The following SLC25A21 variants were observed in gnomAD, a reference collection of about 807,000 sequenced individuals.
SLC25A21 encodes mitochondrial 2-oxodicarboxylate carrier.
A neutral mutation model predicts 43.8 loss-of-function variants in SLC25A21; 47 were observed. The observed-to-expected ratio is 1.07, with a 90% CI of 0.85 to 1.37. The LOEUF is 1.37. Among genes scored for constraint, SLC25A21 ranks in the 40% most tolerant of loss-of-function variants. SLC25A21 has a pLI of 0.00. For synonymous variants in SLC25A21, 131 were observed against 121.3 expected (o/e 1.08, Z -0.52); for missense variants, 352 against 350.2 (o/e 1.00, Z -0.04).
chr14:36,761,092 T>C (rs576726005), intron 3 of SLC25A21, among the ~76,000 whole-genome samples: 1 of 152,292 alleles, frequency 6.6e-6, no homozygotes, highest in Admixed American at 6.5e-5. Flanking sequence ...CTCTTCCCTT[T>C]CATCTGGGGC....
chr14:36,991,382 C>A (rs151204875), intron 1 of SLC25A21, among the ~76,000 whole-genome samples: 1 of 152,150 alleles, frequency 6.6e-6, no homozygotes, highest in African/African-American at 2.4e-5. Flanking sequence ...CCCTGGCACA[C>A]GGCATTCAAC....
At chr14:36,830,863 T>C (rs144802372) in intron 2 of SLC25A21, among the ~76,000 whole-genome samples, 188 of 152,152 alleles carry the variant, frequency 1.2e-3, no homozygotes, top group Non-Finnish European at 1.6e-4. Context: ...TTATCTGTTT[T>C]TAAAAGTCAT....
chr14:36,864,778 A>G (rs922847411), intron 2 of SLC25A21, among the ~76,000 whole-genome samples: 1 of 152,210 alleles, frequency 6.6e-6, no homozygotes, highest in Non-Finnish European at 1.5e-5. Context: ...GAAAGAAGCC[A>G]TGACAGTGGT....
intron 1 of SLC25A21, among the ~76,000 whole-genome samples, chr14:37,051,571 A>G (rs1417216567): frequency 6.6e-6 from 1 of 152,206 alleles, no homozygotes; most frequent in Non-Finnish European, 1.5e-5. Flanking sequence ...GGGCAATTGG[A>G]AAAGAGTTTA....
chr14:36,881,945 ACTGTT>A (rs1890741933), intron 1 of SLC25A21, among the ~76,000 whole-genome samples: 3 of 152,342 alleles, frequency 2.0e-5, no homozygotes, highest in African/African-American at 7.2e-5. Flanking sequence ...GTTATTATAC[ACTGTT>A]CTGTTCTGAT....
chr14:36,942,151 TAAAAA>T lies in SLC25A21; in HGVS notation c.71-67152_71-67148del, dbSNP rs539020842. Among the ~76,000 whole-genome samples, 287 of 147,270 alleles carry T rather than the reference TAAAAA, an allele frequency of 1.9e-3. 2 individuals carry two copies. The highest frequency in any genetic ancestry group is 6.5e-3 in the African/African-American group (265 of 40,532). Reference sequence around the variant, plus strand: ...TAACACCGAGCTTAAGAGTTTGAACTAAAAAAAAAAATCACCTAGCTGTTTCTAAT... The same window carrying T: ...TAACACCGAGCTTAAGAGTTTGAACTAAAAAATCACCTAGCTGTTTCTAAT... On this transcript the variant is annotated intron_variant, in intron 1 of 9. Transcript: ENST00000331299.
intron 2 of SLC25A21, among the ~76,000 whole-genome samples, chr14:36,847,385 C>T (rs889147181): frequency 2.0e-5 from 3 of 152,210 alleles, no homozygotes; most frequent in Non-Finnish European, 2.9e-5. Context: ...CTGGCCCTAA[C>T]AGTCATTGGT....
intron 1 of SLC25A21, among the ~76,000 whole-genome samples, chr14:36,959,457 G>A (rs1217433593): frequency 1.3e-5 from 2 of 152,084 alleles, no homozygotes; most frequent in African/African-American, 2.4e-5. Context: ...TTTACAACCT[G>A]AGAAATAAAA....
intron 1 of SLC25A21, among the ~76,000 whole-genome samples, chr14:37,037,832 T>G (rs1028232991): frequency 9.2e-5 from 14 of 152,156 alleles, no homozygotes; most frequent in African/African-American, 3.4e-4. Context: ...TCTCCCAAAC[T>G]AAACCCATAT....
chr14:36,865,268 T>C (rs4900633), intron 2 of SLC25A21, among the ~76,000 whole-genome samples: 62,356 of 151,800 alleles, frequency 0.41, 14,019 homozygotes, highest in Non-Finnish European at 0.49. Context: ...CATCCTCAGG[T>C]TTCTCTTTTT....
chr14:36,719,452 C>A (rs1251780650), intron 6 of SLC25A21, among the ~76,000 whole-genome samples: 1 of 152,152 alleles, frequency 6.6e-6, no homozygotes. Context: ...GGGTCTATCC[C>A]AATTTTATCC....
At chr14:37,155,451 G>A (rs1963831923) in intron 1 of SLC25A21, among the ~76,000 whole-genome samples, 1 of 152,144 alleles carries the variant, frequency 6.6e-6, no homozygotes, top group African/African-American at 2.4e-5. Flanking sequence ...CAATACCTAG[G>A]AAGATACAAT....
At chr14:36,988,546 T>G (rs1960195369) in intron 1 of SLC25A21, among the ~76,000 whole-genome samples, 1 of 152,194 alleles carries the variant, frequency 6.6e-6, no homozygotes, top group African/African-American at 2.4e-5. Flanking sequence ...ATATTTCAAC[T>G]GATAAGATAT....
intron 1 of SLC25A21, among the ~76,000 whole-genome samples, chr14:37,005,599 C>A (rs75594335): frequency 0.02 from 3,005 of 152,176 alleles, 99 homozygotes; most frequent in African/African-American, 0.068. Flanking sequence ...TGAAATACTG[C>A]ACTTATGGAT....
intron 2 of SLC25A21, among the ~76,000 whole-genome samples, chr14:36,838,058 A>G (rs1419833956): frequency 1.3e-5 from 2 of 152,192 alleles, no homozygotes; most frequent in Non-Finnish European, 2.9e-5. Context: ...TTTCATGGTC[A>G]TGGTCCTTGA....
intron 1 of SLC25A21, among the ~76,000 whole-genome samples, chr14:37,049,092 A>T (rs932851688): frequency 6.6e-6 from 1 of 152,152 alleles, no homozygotes; most frequent in Non-Finnish European, 1.5e-5. Flanking sequence ...TTTAATCTTC[A>T]CAGAAGATTA....
At chr14:37,072,383 C>G (rs1022403050) in intron 1 of SLC25A21, among the ~76,000 whole-genome samples, 8 of 152,092 alleles carry the variant, frequency 5.3e-5, no homozygotes, top group Admixed American at 3.9e-4. Flanking sequence ...GTATCTCTAC[C>G]AGGTAGCCTC....
At chr14:36,752,840 T>A (rs767951555) in intron 3 of SLC25A21, among the ~76,000 whole-genome samples, 10 of 152,166 alleles carry the variant, frequency 6.6e-5, no homozygotes, top group Non-Finnish European at 1.3e-4. Context: ...CGCCTTTGCT[T>A]GCACTTCTCC....
intron 1 of SLC25A21, among the ~76,000 whole-genome samples, chr14:37,038,143 A>G (rs2138778622): frequency 6.6e-6 from 1 of 152,256 alleles, no homozygotes; most frequent in African/African-American, 2.4e-5. Context: ...GAAGTCTGAA[A>G]TTGCTTTCCT....
Sources: gnomAD v4.1 joint callset for allele counts (sites outside exome capture counted in the v4.1 genomes callset) on GRCh38, gnomAD v4.1.1 for gene constraint, MANE v1.5 for transcripts, NCBI Gene and HGNC (gene_info 2026-07-23, HGNC 2026-07-21) for gene names.